Variants in TPRG1 observed in about 807,000 individuals in gnomAD.
TPRG1 encodes the protein tumor protein p63-regulated gene 1 protein.
In TPRG1, 29 loss-of-function variants were observed where a neutral mutation model predicts 29.3. The ratio of observed to expected loss-of-function variants is 0.99; its 90% CI spans 0.74 to 1.35. The LOEUF (loss-of-function observed/expected upper bound fraction) is 1.35. Ranked by LOEUF, TPRG1 falls within the 40% of genes most tolerant of loss-of-function variation. TPRG1 has a pLI of 0.00. For synonymous variants in TPRG1, 130 were observed against 116.8 expected (o/e 1.11, Z -0.73); for missense variants, 327 against 335.0 (o/e 0.98, Z 0.19).
intron 1 of TPRG1, among the ~76,000 whole-genome samples, chr3:189,116,643 G>A (rs1721212259): frequency 6.6e-6 from 1 of 152,136 alleles, no homozygotes; most frequent in African/African-American, 2.4e-5. Context: ...GCTATGACTT[G>A]CATGAACATT....
intron 5 of TPRG1, among the ~76,000 whole-genome samples, chr3:189,156,005 A>G (rs1349393352): frequency 6.6e-6 from 1 of 152,252 alleles, no homozygotes; most frequent in Admixed American, 6.5e-5. Flanking sequence ...AATGAAAAGT[A>G]ACTATGAGAA....
intron 4 of TPRG1, among the ~76,000 whole-genome samples, chr3:189,243,764 A>G (rs548565251): frequency 7.2e-5 from 11 of 152,178 alleles, no homozygotes; most frequent in Non-Finnish European, 1.5e-4. Flanking sequence ...TTCCACAGAT[A>G]CCTAGGGCAG....
At chr3:189,232,972 C>T (rs1170373661) in intron 3 of TPRG1, among the ~76,000 whole-genome samples, 1 of 152,094 alleles carries the variant, frequency 6.6e-6, no homozygotes, top group Non-Finnish European at 1.5e-5. Flanking sequence ...GGGCCTGAAA[C>T]CCAGTGGGTG....
In TPRG1 at chr3:189,310,474, C is replaced by A. The variant is rs1250215445; in HGVS notation, c.568C>A (p.Pro190Thr). The A allele has an allele frequency of 5.6e-6, 9 of 1,612,664 alleles. No individual in the cohort carries two copies. The highest frequency in any genetic ancestry group is 4.0e-5 in the African/African-American group (3 of 74,788). ...CTGGAACCCATGGTCCACTGAAGTT[C>A]CTTATGCTACTTTCACTGAGCATCC... is the stretch of plus-strand genomic sequence containing the variant. The part of the protein sequence containing the change: ...SRWNPWSTEV[P>T]YATFTEHPMK... Residue 190 changes from proline to threonine, a missense_variant, in exon 5 of 6, where the codon CCT becomes ACT. Pro to Thr is a conservative substitution (Grantham distance 38). Transcript: ENST00000345063.
intron 2 of TPRG1, among the ~76,000 whole-genome samples, 191 bp from the exon 3 acceptor site, chr3:189,215,101 T>C (rs115147064): frequency 0.011 from 1,626 of 152,198 alleles, 33 homozygotes; most frequent in African/African-American, 0.036. Context: ...ACTTTTTCTC[T>C]ACCCAAGGAG....
At chr3:189,064,094 T>C (rs1261465936) in intron 4 of TPRG1, among the ~76,000 whole-genome samples, 1 of 152,184 alleles carries the variant, frequency 6.6e-6, no homozygotes, top group Non-Finnish European at 1.5e-5. Context: ...TTTTGTCTAT[T>C]ACAGAGACTT....
intron 4 of TPRG1, among the ~76,000 whole-genome samples, chr3:189,058,032 G>A (rs1166640620): frequency 6.6e-6 from 1 of 151,750 alleles, no homozygotes; most frequent in Non-Finnish European, 1.5e-5. Flanking sequence ...TATATGTCAG[G>A]ATTTTTTCTG....
intron 1 of TPRG1, among the ~76,000 whole-genome samples, chr3:189,105,131 G>A (rs961955848): frequency 1.3e-5 from 2 of 152,142 alleles, no homozygotes; most frequent in African/African-American, 4.8e-5. Context: ...TGATGTTGGT[G>A]TTATTAAGGA....
At chr3:189,311,153 C>T (rs1215185478) in intron 5 of TPRG1, among the ~76,000 whole-genome samples, 1 of 152,170 alleles carries the variant, frequency 6.6e-6, no homozygotes, top group African/African-American at 2.4e-5. Context: ...TCACCTCCCC[C>T]AGGCATCTAA....
intron 5 of TPRG1, among the ~76,000 whole-genome samples, chr3:189,161,555 A>G (rs1441617221): frequency 2.0e-5 from 3 of 152,046 alleles, no homozygotes; most frequent in Admixed American, 6.5e-5. Context: ...AAAATATACC[A>G]TCCCTCAGGC....
In TPRG1 at chr3:189,312,360, T is replaced by C. The variant is rs1427929896; in HGVS notation, c.633+1821T>C. 2.0e-5 allele frequency among the ~76,000 whole-genome samples: 3 copies of C among 151,916 alleles called. No individual in the cohort carries two copies. In the East Asian group the frequency reaches 5.8e-4, roughly 29 times the overall value. On this transcript the variant is annotated intron_variant, in intron 5 of 5. Transcript: ENST00000345063. ...GGGACTACAGGCGCCCGAAAACATC[T>C]GTTAATCCAAGATAAAGAGCTTAAT...
In TPRG1 at chr3:189,315,390, C is replaced by G. The variant is rs114198779; in HGVS notation, c.633+4851C>G. ...TGTGATATGGTATAATATTGTATCT[C>G]AAAACCTGGCTCAATTATCCTCAAT... On this transcript the variant is annotated intron_variant, in intron 5 of 5. Coordinates refer to ENST00000345063, the MANE Select transcript of TPRG1 (RefSeq NM_198485.4). 911 of 414,078 alleles carry G rather than the reference C, an allele frequency of 2.2e-3. 10 individuals are homozygous for G. Among genetic ancestry groups the G allele is most frequent in the African/African-American group, 0.017 (805 of 48,300 alleles). 25.7% of individuals were successfully genotyped at this position (414,078 alleles called of 1,614,324 possible). A position where few individuals can be genotyped will look rare whatever the true frequency, so the allele number is the denominator to read the frequency against.
intron 4 of TPRG1, among the ~76,000 whole-genome samples, chr3:189,300,163 G>A (rs1241162528): frequency 6.6e-6 from 1 of 152,204 alleles, no homozygotes; most frequent in African/African-American, 2.4e-5. Flanking sequence ...ATAGCCATAG[G>A]ATACCATGGG....
At chr3:189,196,005 C>T (rs145591263) in intron 1 of TPRG1, among the ~76,000 whole-genome samples, 131 of 152,216 alleles carry the variant, frequency 8.6e-4, no homozygotes, top group African/African-American at 3.0e-3. Context: ...GGCTTCTAGC[C>T]GGCCATCTTG....
At chr3:189,269,173 A>G (rs1714655944) in intron 4 of TPRG1, among the ~76,000 whole-genome samples, 1 of 152,122 alleles carries the variant, frequency 6.6e-6, no homozygotes, top group Non-Finnish European at 1.5e-5. Context: ...AAGGCAAAAC[A>G]TAAGCAGAAA....
intron 4 of TPRG1, among the ~76,000 whole-genome samples, chr3:189,274,162 C>A (rs1023863232): frequency 6.6e-6 from 1 of 151,180 alleles, no homozygotes. Flanking sequence ...AGGCTAATGA[C>A]CCTGACCTCA....
At chr3:189,299,318 C>T (rs188443488) in intron 4 of TPRG1, among the ~76,000 whole-genome samples, 172 of 152,184 alleles carry the variant, frequency 1.1e-3, no homozygotes, top group Middle Eastern at 6.8e-3. Context: ...CCTCTTGGCA[C>T]GGAAAGCCTT....
At chr3:189,302,965 C>T (rs1382903770) in intron 4 of TPRG1, among the ~76,000 whole-genome samples, 1 of 152,182 alleles carries the variant, frequency 6.6e-6, no homozygotes, top group Non-Finnish European at 1.5e-5. Flanking sequence ...ATGGAGGAGA[C>T]AGCTGACATA....
At chr3:189,053,416 T>C (rs909755737) in intron 4 of TPRG1, among the ~76,000 whole-genome samples, 1 of 152,166 alleles carries the variant, frequency 6.6e-6, no homozygotes, top group African/African-American at 2.4e-5. Flanking sequence ...TATCCGAGTT[T>C]CTTTCTCAGG....
Sources: allele counts gnomAD v4.1 joint callset (sites outside exome capture counted in the v4.1 genomes callset), GRCh38; gene constraint gnomAD v4.1.1; transcripts MANE v1.5; gene names NCBI Gene and HGNC (gene_info 2026-07-23, HGNC 2026-07-21).